CPS1: variants seen among roughly 807,000 people sequenced by gnomAD.
CPS1 encodes carbamoyl-phosphate synthase 1, also known as carbamoyl-phosphate synthase [ammonia], mitochondrial.
CPS1 carries 109 observed loss-of-function variants against 174.6 expected under a neutral mutation model. The ratio of observed to expected loss-of-function variants is 0.62; its 90% confidence interval spans 0.53 to 0.73. The LOEUF is 0.73. Ranked by LOEUF, CPS1 falls within the 30% of genes least tolerant of loss-of-function variation. The pLI, the probability that CPS1 is intolerant of heterozygous loss-of-function variation, is 0.00. For missense variants in CPS1, 1,689 were observed against 1,821.9 expected, an observed-to-expected ratio of 0.93 and a Z score of 1.33; for synonymous variants, 637 against 632.0, an observed-to-expected ratio of 1.01 and a Z score of -0.12.
At chr2:210,503,069 A>G (rs1424093212) in intron 1 of CPS1, among the ~76,000 whole-genome samples, 1 of 152,168 alleles carries the variant, frequency 6.6e-6, no homozygotes, top group Non-Finnish European at 1.5e-5. Context: ...TTGCTAAGGT[A>G]TCTCCAGCAC....
At chr2:210,538,653 C>G (rs1696322261) in intron 1 of CPS1, among the ~76,000 whole-genome samples, 1 of 152,014 alleles carries the variant, frequency 6.6e-6, no homozygotes, top group Non-Finnish European at 1.5e-5. Flanking sequence ...CAGTGTACAA[C>G]TTATTAACTT....
At chr2:210,676,883 G>A (rs1701553085) in intron 36 of CPS1, 124 bp from the exon 37 acceptor site, 5 of 821,834 alleles carry the variant, frequency 6.1e-6, no homozygotes, top group South Asian at 1.4e-5. Flanking sequence ...ATAGAGGAGG[G>A]CAGATGGCAG....
chr2:210,573,509 C>A, intron 2 of CPS1, 102 bp downstream of exon 2: 1 of 915,290 alleles, frequency 1.1e-6, no homozygotes, highest in Non-Finnish European at 1.8e-6. Flanking sequence ...CGTAGTAAGA[C>A]TACGTATTGT....
At position 210,590,106 on chromosome 2, in the gene CPS1, C is replaced by T. The variant is rs761225695; in HGVS notation, c.712C>T (p.Arg238Ter). ...CATCATTCTTGTGTCTCTTTTCCAGCGAGGAGCTGAAGTGCACTTAGTTCC... is the reference window on the plus strand; with the variant it reads ...CATCATTCTTGTGTCTCTTTTCCAGTGAGGAGCTGAAGTGCACTTAGTTCC... ...KNNVIRLLVK[R>*]GAEVHLVPWN... Residue 238 changes from arginine to a stop codon, truncating the protein, a stop_gained and splice_region_variant, in exon 8 of 38, where the codon CGA becomes TGA. Coordinates refer to ENST00000233072, the MANE Select transcript of CPS1 (RefSeq NM_001875.5). LOFTEE classifies it high-confidence loss of function. 8.1e-6 allele frequency: 13 copies of T among 1,612,568 alleles called. No individual in the cohort carries two copies. The highest frequency in any genetic ancestry group is 1.3e-5 in the African/African-American group (1 of 74,884).
intron 1 of CPS1, among the ~76,000 whole-genome samples, chr2:210,571,893 GTGTGTGTGTGTGTGTGTA>G (rs1697508596): frequency 2.2e-5 from 2 of 90,558 alleles, no homozygotes; most frequent in South Asian, 3.9e-4. Flanking sequence ...GTGTGTGTGT[GTGTGTGTGTGTGTGTGTA>G]TGTGTAATGG....
Position 210,567,243 on chromosome 2 carries a change from G to A in CPS1, c.127-6055G>A, listed in dbSNP as rs1260786872. On this transcript the variant is annotated intron_variant, in intron 1 of 37. Transcript: ENST00000233072. Reference sequence around the variant, plus strand: ...ACACTAGTGTAAGTTTAAAGTATACGTTATCTTTAATTACTATTTCCAAAA... The same window carrying A: ...ACACTAGTGTAAGTTTAAAGTATACATTATCTTTAATTACTATTTCCAAAA... Among the ~76,000 whole-genome samples the A allele has an allele frequency of 7.9e-5, 12 of 152,000 alleles. No homozygotes were observed. In the South Asian group the frequency reaches 1.0e-3, roughly 13 times the overall value.
chr2:210,582,591 A>C, intron 5 of CPS1, 26 bp from the exon 6 acceptor site: 1 of 1,563,536 alleles, frequency 6.4e-7, no homozygotes, highest in South Asian at 1.1e-5. Context: ...CTTCCTTTTA[A>C]CTGTCTAATT....
intron 19 of CPS1, among the ~76,000 whole-genome samples, chr2:210,611,235 G>C (rs1699108275): frequency 6.6e-6 from 1 of 151,896 alleles, no homozygotes; most frequent in Admixed American, 6.6e-5. Context: ...TATGTATCTT[G>C]TCACATAATT....
At chr2:210,644,142 G>T (rs1368776536) in intron 25 of CPS1, among the ~76,000 whole-genome samples, 1 of 151,978 alleles carries the variant, frequency 6.6e-6, no homozygotes, top group South Asian at 2.1e-4. Context: ...AATTATACAT[G>T]GCTATTAATG....
In CPS1 at chr2:210,569,436, G is replaced by A. The variant is rs542302944; in HGVS notation, c.127-3862G>A. Among the ~76,000 whole-genome samples, 17 of 152,098 alleles carry A rather than the reference G, an allele frequency of 1.1e-4. No homozygotes were observed. The South Asian group carries it at 3.3e-3, about 30-fold the overall frequency. ...TTAATTTTTATTGCTTAAAACATCA[G>A]TGGAAAAGAAAGGGCAAATTCTTTG... On this transcript the variant is annotated intron_variant, in intron 1 of 37. Coordinates refer to ENST00000233072, the MANE Select transcript of CPS1 (RefSeq NM_001875.5).
intron 1 of CPS1, among the ~76,000 whole-genome samples, chr2:210,490,359 C>G (rs1238632620): frequency 3.3e-5 from 5 of 152,108 alleles, no homozygotes; most frequent in African/African-American, 1.2e-4. Context: ...GGAAGATTTT[C>G]TATGTAGGCT....
At chr2:210,634,196 C>T (rs545385745) in intron 21 of CPS1, among the ~76,000 whole-genome samples, 2 of 152,156 alleles carry the variant, frequency 1.3e-5, no homozygotes, top group Non-Finnish European at 1.5e-5. Context: ...TTTGGGAGGC[C>T]GAGGCAGGCG....
intron 21 of CPS1, among the ~76,000 whole-genome samples, chr2:210,635,854 A>G (rs547603217): frequency 6.6e-6 from 1 of 152,348 alleles, no homozygotes; most frequent in South Asian, 2.1e-4. Flanking sequence ...GGTGCAATAG[A>G]AAAAGCAAAT....
At chr2:210,665,766 A>T (rs1016473290) in intron 33 of CPS1, among the ~76,000 whole-genome samples, 1 of 150,000 alleles carries the variant, frequency 6.7e-6, no homozygotes, top group Admixed American at 6.7e-5. Flanking sequence ...TGCTATTGTG[A>T]ATAGTGCCGT....
chr2:210,624,805 A>G (rs1232333753), intron 21 of CPS1, among the ~76,000 whole-genome samples: 6 of 152,008 alleles, frequency 3.9e-5, no homozygotes, highest in Non-Finnish European at 7.4e-5. Context: ...TGTTTTGCTT[A>G]AAAGGTTTTC....
At chr2:210,485,581 T>G (rs193122389) in intron 1 of CPS1, among the ~76,000 whole-genome samples, 1 of 152,338 alleles carries the variant, frequency 6.6e-6, no homozygotes, top group East Asian at 1.9e-4. Flanking sequence ...ATTTTTAGAT[T>G]TATCTATATT....
At chr2:210,497,232 TA>T (rs1271258941) in intron 1 of CPS1, among the ~76,000 whole-genome samples, 3 of 152,166 alleles carry the variant, frequency 2.0e-5, no homozygotes, top group Non-Finnish European at 4.4e-5. Context: ...AGGCATGTCA[TA>T]AAGAAGAATT....
At chr2:210,591,364 G>A (rs934633644) in intron 9 of CPS1, among the ~76,000 whole-genome samples, 2 of 151,574 alleles carry the variant, frequency 1.3e-5, no homozygotes, top group Non-Finnish European at 2.9e-5. Context: ...TCTCTTTTTT[G>A]CCTCAAACAA....
intron 6 of CPS1, among the ~76,000 whole-genome samples, chr2:210,585,581 T>C (rs1698079678): frequency 6.6e-6 from 1 of 151,890 alleles, no homozygotes; most frequent in South Asian, 2.1e-4. Flanking sequence ...TGAATGGCCA[T>C]AGGATTATAC....
Sources: allele counts gnomAD v4.1 joint callset (sites outside exome capture counted in the v4.1 genomes callset), GRCh38; gene constraint gnomAD v4.1.1; transcripts MANE v1.5; gene names NCBI Gene and HGNC (gene_info 2026-07-23, HGNC 2026-07-21).